Variants in GRID1 observed in about 807,000 individuals in gnomAD.
The protein encoded by GRID1 is glutamate receptor ionotropic, delta-1.
Under a neutral mutation model 98.0 loss-of-function variants are expected in GRID1, and 28 were observed. The ratio of observed to expected loss-of-function variants is 0.29; its 90% CI spans 0.21 to 0.39. The LOEUF is 0.39. Among genes scored for constraint, GRID1 ranks in the 10% least tolerant of loss-of-function variants. GRID1 has a pLI of 1.00. For synonymous variants in GRID1, 553 were observed against 538.5 expected (o/e 1.03, Z -0.37); for missense variants, 1,111 against 1,340.5 (o/e 0.83, Z 2.67).
intron 4 of GRID1, among the ~76,000 whole-genome samples, chr10:86,030,912 C>A (rs1358713570): frequency 1.3e-5 from 2 of 152,142 alleles, no homozygotes; most frequent in Non-Finnish European, 2.9e-5. Context: ...CTCCATCTTC[C>A]TTCTCTTTGC....
At chr10:86,295,721 T>C (rs888796645) in intron 2 of GRID1, among the ~76,000 whole-genome samples, 2 of 152,206 alleles carry the variant, frequency 1.3e-5, no homozygotes, top group Non-Finnish European at 2.9e-5. Flanking sequence ...GCTACTGCAG[T>C]TCATACCTGA....
chr10:86,005,726 A>G (rs1842853135), intron 4 of GRID1, among the ~76,000 whole-genome samples: 1 of 152,216 alleles, frequency 6.6e-6, no homozygotes, highest in South Asian at 2.1e-4. Context: ...AATTCAGACA[A>G]GATACAAGAA....
intron 2 of GRID1, among the ~76,000 whole-genome samples, chr10:86,209,039 G>C (rs373755697): frequency 2.6e-4 from 39 of 152,294 alleles, no homozygotes; most frequent in African/African-American, 9.4e-4. Flanking sequence ...ACATGGGAAA[G>C]TGCCTGTCAT....
At chr10:86,251,258 C>T (rs1488106035) in intron 2 of GRID1, among the ~76,000 whole-genome samples, 1 of 151,658 alleles carries the variant, frequency 6.6e-6, no homozygotes, top group East Asian at 2.0e-4. Flanking sequence ...CCTTTCTTCA[C>T]ATGTTTATCT....
chr10:86,326,689 C>T (rs72845112), intron 2 of GRID1, among the ~76,000 whole-genome samples: 1 of 152,162 alleles, frequency 6.6e-6, no homozygotes. Flanking sequence ...AATCAGGGAG[C>T]TGAAGTCCCA....
chr10:86,220,238 C>T (rs11596904), intron 2 of GRID1, among the ~76,000 whole-genome samples: 41,551 of 152,014 alleles, frequency 0.27, 6,770 homozygotes, highest in Non-Finnish European at 0.38. Flanking sequence ...CAGAGGACGC[C>T]GATTGACACA....
Position 85,745,587 on chromosome 10 carries a change from G to C in GRID1, c.1234-15973C>G, listed in dbSNP as rs563842007. On this transcript the variant is annotated intron_variant, in intron 8 of 15. Coordinates refer to ENST00000327946, the MANE Select transcript of GRID1 (RefSeq NM_017551.3). ...GGGACGGTGGTGGGGTCGAAGGAGA[G>C]GGGAGGGATAGCATTGGGAGATATA... Among the ~76,000 whole-genome samples, 27 of 123,638 alleles carry C rather than the reference G, an allele frequency of 2.2e-4. No homozygotes were observed. In the East Asian group the frequency reaches 5.3e-3, roughly 24 times the overall value. The allele number at this position is 123,638 out of a possible 152,430, so 81.1% of individuals were successfully genotyped here. A position where few individuals can be genotyped will look rare whatever the true frequency, so the allele number is the denominator to read the frequency against.
At chr10:86,186,966 T>C (rs571837021) in intron 3 of GRID1, among the ~76,000 whole-genome samples, 1 of 152,316 alleles carries the variant, frequency 6.6e-6, no homozygotes, top group African/African-American at 2.4e-5. Context: ...CTTTAGAGGT[T>C]TAAGCTGGGG....
At chr10:85,840,741 G>A (rs11516993) in intron 8 of GRID1, among the ~76,000 whole-genome samples, 2 of 151,986 alleles carry the variant, frequency 1.3e-5, no homozygotes, top group Non-Finnish European at 2.9e-5. Context: ...ATTCACAATT[G>A]CCACAAAAAG....
Position 86,278,204 on chromosome 10 carries a change from A to G in GRID1, c.236-71556T>C, listed in dbSNP as rs553935335. 1.6e-4 allele frequency among the ~76,000 whole-genome samples: 24 copies of G among 152,264 alleles called. No individual in the cohort carries two copies. The South Asian group carries it at 4.8e-3, about 30-fold the overall frequency. ...ATATAAGTAGCTCAAAAGTGAAAGG[A>G]TGGAAAAAGATATTCCAGACAAATC... On this transcript the variant is annotated intron_variant, in intron 2 of 15. Coordinates refer to ENST00000327946, the MANE Select transcript of GRID1 (RefSeq NM_017551.3).
chr10:86,294,365 A>C (rs890632836), intron 2 of GRID1, among the ~76,000 whole-genome samples: 3 of 152,158 alleles, frequency 2.0e-5, no homozygotes, highest in Non-Finnish European at 2.9e-5. Flanking sequence ...GATCTGAGTG[A>C]GCTGTGTGCA....
rs1160671763 is a variant in GRID1, at chr10:86,195,921, C to T, written c.520+10443G>A. 3.9e-5 allele frequency among the ~76,000 whole-genome samples: 6 copies of T among 152,132 alleles called. No homozygotes were observed. Among genetic ancestry groups the T allele is most frequent in the Non-Finnish European group, 5.9e-5 (4 of 67,988 alleles). ...ATCCTTTTAACATTCCAGAGCAATG[C>T]AACCAGAGAGAACGGGCTTCCGTTC... On this transcript the variant is annotated intron_variant, in intron 3 of 15. Transcript: ENST00000327946. This position sits in a 1 kb window ranked among gnomAD's most constrained non-coding sequence, Gnocchi z 4.4.
chr10:85,906,431 C>T (rs900777650), intron 5 of GRID1, among the ~76,000 whole-genome samples: 1 of 152,114 alleles, frequency 6.6e-6, no homozygotes, highest in Non-Finnish European at 1.5e-5. Flanking sequence ...AAACATTCCA[C>T]ACAACAGCAG....
chr10:86,243,032 G>T (rs187839995), intron 2 of GRID1, among the ~76,000 whole-genome samples: 1 of 152,078 alleles, frequency 6.6e-6, no homozygotes, highest in African/African-American at 2.4e-5. Flanking sequence ...TAAAACAAGA[G>T]TTATAATAAT....
intron 2 of GRID1, among the ~76,000 whole-genome samples, chr10:86,345,799 A>G (rs576959993): frequency 6.6e-6 from 1 of 151,322 alleles, no homozygotes; most frequent in Non-Finnish European, 1.5e-5. Context: ...CCTGTACCAG[A>G]GGGAAGCCCT....
intron 4 of GRID1, among the ~76,000 whole-genome samples, chr10:86,113,921 T>A (rs1344339312): frequency 1.3e-5 from 2 of 152,228 alleles, no homozygotes; most frequent in Admixed American, 1.3e-4. Flanking sequence ...CACTTCAAGC[T>A]ACCCAACAAC....
At chr10:85,690,347 C>T (rs542432619) in intron 12 of GRID1, among the ~76,000 whole-genome samples, 2 of 152,130 alleles carry the variant, frequency 1.3e-5, no homozygotes, top group Non-Finnish European at 2.9e-5. Flanking sequence ...CTGTTGAATA[C>T]AATGGTTCTA....
At chr10:85,655,570 G>A (rs958138766) in intron 12 of GRID1, among the ~76,000 whole-genome samples, 4 of 152,170 alleles carry the variant, frequency 2.6e-5, no homozygotes, top group African/African-American at 9.7e-5. Context: ...CACCAGCATG[G>A]TGATTCTAAC....
Position 86,365,249 on chromosome 10 carries a change from C to T in GRID1, c.79+1065G>A, listed in dbSNP as rs1470514443. Reference sequence around the variant, plus strand: ...CCTCACCACCCCACTCCACCACCCACCCTCCCGCCTTGTCCCGTCCTCCTC... The same window carrying T: ...CCTCACCACCCCACTCCACCACCCATCCTCCCGCCTTGTCCCGTCCTCCTC... On this transcript the variant is annotated intron_variant, in intron 1 of 15. Transcript: ENST00000327946. The surrounding 1 kb of genome is among the most constrained non-coding windows in gnomAD (Gnocchi z 4.8). Among the ~76,000 whole-genome samples, 1 of 151,834 alleles carries T rather than the reference C, an allele frequency of 6.6e-6. No individual in the cohort carries two copies. Among genetic ancestry groups the T allele is most frequent in the Non-Finnish European group, 1.5e-5 (1 of 67,958 alleles).
Sources: allele counts gnomAD v4.1 joint callset (sites outside exome capture counted in the v4.1 genomes callset), GRCh38; gene constraint gnomAD v4.1.1; non-coding constraint Gnocchi (gnomAD v3.1); transcripts MANE v1.5; gene names NCBI Gene and HGNC (gene_info 2026-07-23, HGNC 2026-07-21).